Variants in ABCA13 observed in about 807,000 individuals in gnomAD.
ABCA13 encodes ATP-binding cassette sub-family A member 13.
A neutral mutation model predicts 478.7 loss-of-function variants in ABCA13; 476 were observed. The observed-to-expected ratio is 0.99, with a 90% CI of 0.92 to 1.07. The LOEUF (loss-of-function observed/expected upper bound fraction) is 1.07. Among genes scored for constraint, ABCA13 ranks in the 50% least tolerant of loss-of-function variants. ABCA13 has a pLI of 0.00. For synonymous variants in ABCA13, 2,252 were observed against 2,158.9 expected, an observed-to-expected ratio of 1.04 and a Z score of -1.20; for missense variants, 6,060 against 5,910.6, an observed-to-expected ratio of 1.03 and a Z score of -0.83.
At position 48,221,439 on chromosome 7, in the gene ABCA13, G is replaced by A. The variant is rs533616376; in HGVS notation, c.468+130G>A. Reference sequence around the variant, plus strand: ...TTGTATAACAATTGTATAGAAGCTGGATTTGAGAGAGCCAAGGTCTTTGTA... The same window carrying A: ...TTGTATAACAATTGTATAGAAGCTGAATTTGAGAGAGCCAAGGTCTTTGTA... On this transcript the variant is annotated intron_variant, in intron 5 of 61. Coordinates refer to ENST00000435803, the MANE Select transcript of ABCA13 (RefSeq NM_152701.5). 122 of 491,530 alleles carry A rather than the reference G, an allele frequency of 2.5e-4. 1 individual carries two copies. The South Asian group carries it at 2.9e-3, about 12-fold the overall frequency. 30.4% of individuals were successfully genotyped at this position (491,530 alleles called of 1,614,324 possible).
intron 59 of ABCA13, among the ~76,000 whole-genome samples, chr7:48,622,682 G>C (rs536960142): frequency 6.6e-6 from 1 of 152,204 alleles, no homozygotes; most frequent in South Asian, 2.1e-4. Flanking sequence ...CTCTGAGCAA[G>C]ATATATAGAT....
At chr7:48,521,683 G>T (rs1832555176) in intron 53 of ABCA13, among the ~76,000 whole-genome samples, 1 of 152,032 alleles carries the variant, frequency 6.6e-6, no homozygotes, top group African/African-American at 2.4e-5. Context: ...AGTATCAAAA[G>T]ATTTTTCTTT....
intron 47 of ABCA13, among the ~76,000 whole-genome samples, chr7:48,483,845 G>C (rs531211223): frequency 1.3e-5 from 2 of 152,342 alleles, no homozygotes; most frequent in African/African-American, 4.8e-5. Context: ...CATGACTGGA[G>C]AAATAGTATT....
intron 24 of ABCA13, among the ~76,000 whole-genome samples, chr7:48,311,972 T>C (rs768745759): frequency 1.3e-5 from 2 of 152,238 alleles, no homozygotes; most frequent in Non-Finnish European, 2.9e-5. Context: ...GGCCAGTCAC[T>C]GTGTGCCACT....
At chr7:48,239,526 C>T in intron 9 of ABCA13, 121 bp downstream of exon 9, 1 of 1,180,184 alleles carries the variant, frequency 8.5e-7, no homozygotes, top group Non-Finnish European at 1.2e-6. Context: ...AGGAAAGGGC[C>T]TTAGGAGCCC....
chr7:48,229,278 C>G (rs965805366), intron 6 of ABCA13, among the ~76,000 whole-genome samples: 2 of 152,176 alleles, frequency 1.3e-5, no homozygotes, highest in African/African-American at 2.4e-5. Context: ...TGTAGATTCT[C>G]CCTCCCCAAA....
chr7:48,222,698 A>G (rs921333789), intron 5 of ABCA13, among the ~76,000 whole-genome samples: 6 of 152,154 alleles, frequency 3.9e-5, no homozygotes, highest in African/African-American at 9.7e-5. Flanking sequence ...CAAAGAATTG[A>G]AGGAAAAAAG....
In ABCA13 at chr7:48,644,688, T is replaced by C; in HGVS notation, c.15015T>C (p.Val5005=). 6.2e-7 allele frequency: 1 copy of C among 1,612,518 alleles called. No individual in the cohort carries two copies. Among genetic ancestry groups the C allele is most frequent in the South Asian group, 1.1e-5 (1 of 90,492 alleles). ...RWGCLADLFK[V]IENNKTFLNI... is the part of the protein sequence containing the mutation. ...GATGCCTAGCTGACTTGTTCAAAGT[T>C]ATAGAGAACAATAAAACCTTCTTGA... is the stretch of plus-strand genomic sequence containing the variant. Residue 5005 remains valine (V), a synonymous_variant, in exon 61 of 62, where the codon GTT becomes GTC. Coordinates refer to ENST00000435803, the MANE Select transcript of ABCA13 (RefSeq NM_152701.5).
At chr7:48,430,922 A>G (rs554561371) in intron 42 of ABCA13, among the ~76,000 whole-genome samples, 3 of 152,200 alleles carry the variant, frequency 2.0e-5, no homozygotes, top group African/African-American at 7.2e-5. Context: ...CAGTGTCTTC[A>G]GGTGGAAGTT....
At chr7:48,508,725 G>A (rs1039689252) in intron 50 of ABCA13, among the ~76,000 whole-genome samples, 7 of 152,174 alleles carry the variant, frequency 4.6e-5, no homozygotes, top group Non-Finnish European at 8.8e-5. Context: ...TTGTGATACA[G>A]AAAATCATAC....
chr7:48,425,649 C>G (rs903235539), intron 41 of ABCA13, among the ~76,000 whole-genome samples: 13 of 152,172 alleles, frequency 8.5e-5, no homozygotes, highest in Admixed American at 7.2e-4. Context: ...CCAGACATTG[C>G]CAGCATGCTA....
rs1012255875 is a variant in ABCA13, at chr7:48,623,011, G to A, written c.14837+7634G>A. On this transcript the variant is annotated intron_variant, in intron 59 of 61. Coordinates refer to ENST00000435803, the MANE Select transcript of ABCA13 (RefSeq NM_152701.5). ...GAAAGAAGTGAGCCTCCTACCTGTGGTGGAGCTGCCTTTCAACTGCAGCCA... is the reference window on the plus strand; with the variant it reads ...GAAAGAAGTGAGCCTCCTACCTGTGATGGAGCTGCCTTTCAACTGCAGCCA... 7.2e-5 allele frequency among the ~76,000 whole-genome samples: 11 copies of A among 152,134 alleles called. No individual in the cohort carries two copies. The East Asian group carries it at 1.9e-3, about 27-fold the overall frequency.
chr7:48,403,336 C>T (rs987435470), intron 38 of ABCA13, among the ~76,000 whole-genome samples: 1 of 152,192 alleles, frequency 6.6e-6, no homozygotes, highest in Non-Finnish European at 1.5e-5. Context: ...TTCCACCATA[C>T]TCCATACCCT....
At chr7:48,336,333 C>G (rs1806257573) in intron 28 of ABCA13, among the ~76,000 whole-genome samples, 2 of 152,118 alleles carry the variant, frequency 1.3e-5, no homozygotes, top group African/African-American at 2.4e-5. Flanking sequence ...TTCCAAGAAG[C>G]AGATGCCAAG....
chr7:48,309,820 C>G (rs1390636072), intron 23 of ABCA13, 127 bp from the exon 24 acceptor site: 2 of 998,398 alleles, frequency 2.0e-6, no homozygotes, highest in Non-Finnish European at 2.9e-6. Flanking sequence ...CCCGCATCTG[C>G]AGGTCAGTCC....
intron 31 of ABCA13, among the ~76,000 whole-genome samples, chr7:48,360,419 C>G (rs2129002826): frequency 6.6e-6 from 1 of 151,982 alleles, no homozygotes; most frequent in South Asian, 2.1e-4. Context: ...GATTTGGGTT[C>G]CAGAGAAGGG....
In ABCA13 at chr7:48,427,953, G is replaced by T; in HGVS notation, c.12565+82G>T. On this transcript the variant is annotated intron_variant, in intron 42 of 61. Coordinates refer to ENST00000435803, the MANE Select transcript of ABCA13 (RefSeq NM_152701.5). ...TTCAACATCCCTTGTTTTAAAAGTT[G>T]TATAGCAAGGTTCTGAAGTTAGTGA... is the stretch of plus-strand genomic sequence containing the variant. 9 of 954,668 alleles carry T rather than the reference G, an allele frequency of 9.4e-6. No individual in the cohort carries two copies. The Middle Eastern group carries it at 1.3e-3, about 140-fold the overall frequency. The allele number at this position is 954,668 out of a possible 1,614,324, so 59.1% of individuals were successfully genotyped here. A position where few individuals can be genotyped will look rare whatever the true frequency, so the allele number is the denominator to read the frequency against.
chr7:48,351,786 A>G (rs764606484), intron 30 of ABCA13, among the ~76,000 whole-genome samples: 22 of 152,346 alleles, frequency 1.4e-4, no homozygotes, highest in Non-Finnish European at 2.8e-4. Context: ...CGTGTGGCAT[A>G]AAATAGAATC....
chr7:48,412,690 A>T, intron 41 of ABCA13, 107 bp downstream of exon 41: 1 of 798,986 alleles, frequency 1.3e-6, no homozygotes, highest in East Asian at 2.8e-5. Context: ...AAGGGGGAGG[A>T]GTGTGCACTT....
Sources: gnomAD v4.1 joint callset for allele counts (sites outside exome capture counted in the v4.1 genomes callset) on GRCh38, gnomAD v4.1.1 for gene constraint, MANE v1.5 for transcripts, NCBI Gene and HGNC (gene_info 2026-07-23, HGNC 2026-07-21) for gene names.